Variants in SLC22A4 observed in about 807,000 individuals in gnomAD.
SLC22A4 encodes ET transporter.
In SLC22A4, 39 loss-of-function variants were observed where a neutral mutation model predicts 56.6. The observed-to-expected ratio is 0.69, with a 90% confidence interval of 0.53 to 0.90. The LOEUF is 0.90. Ranked by LOEUF, SLC22A4 falls within the 40% of genes least tolerant of loss-of-function variation. The pLI is 0.00. For synonymous variants in SLC22A4, 241 were observed against 281.4 expected, an observed-to-expected ratio of 0.86 and a Z score of 1.44; for missense variants, 594 against 696.5, an observed-to-expected ratio of 0.85 and a Z score of 1.66.
At chr5:132,317,418 T>C (rs968456152) in intron 3 of SLC22A4, among the ~76,000 whole-genome samples, 2 of 152,334 alleles carry the variant, frequency 1.3e-5, no homozygotes, top group African/African-American at 4.8e-5. Context: ...TTCCGCACAT[T>C]TGATATAAAC....
chr5:132,339,708 G>C (rs1751147176), intron 8 of SLC22A4, among the ~76,000 whole-genome samples: 1 of 152,096 alleles, frequency 6.6e-6, no homozygotes, highest in South Asian at 2.1e-4. Context: ...CCAGTGGTCA[G>C]ACACTGGTAC....
chr5:132,309,426 T>C (rs1011377195), intron 1 of SLC22A4, among the ~76,000 whole-genome samples: 4 of 152,240 alleles, frequency 2.6e-5, no homozygotes, highest in African/African-American at 9.6e-5. Context: ...TGCGTGTGCA[T>C]GGCTCTTCCT....
chr5:132,312,445 T>C (rs1750209676), intron 2 of SLC22A4, among the ~76,000 whole-genome samples, 181 bp downstream of exon 2: 1 of 152,182 alleles, frequency 6.6e-6, no homozygotes, highest in African/African-American at 2.4e-5. Flanking sequence ...CCCCTTCACC[T>C]GGACACACTT....
chr5:132,340,610 C>A lies in SLC22A4; in HGVS notation c.1490C>A (p.Thr497Asn), dbSNP rs1751185801. The A allele has an allele frequency of 6.2e-7, 1 of 1,613,904 alleles. No homozygotes were observed. Among genetic ancestry groups the A allele is most frequent in the Non-Finnish European group, 8.5e-7 (1 of 1,179,800 alleles). ...CCCTACATCGTCATGGGTAGTCTGA[C>A]TGTCCTGATTGGAATCCTCACCCTT... ...MLPYIVMGSL[T>N]VLIGILTLFF... is the part of the protein sequence containing the mutation. Residue 497 changes from threonine (T) to asparagine (N), a missense_variant, in exon 9 of 10, where the codon ACT becomes AAT. By Grantham distance (65) the Thr-to-Asn change is moderately conservative. Coordinates refer to ENST00000200652, the MANE Select transcript of SLC22A4 (RefSeq NM_003059.3).
At chr5:132,308,542 CAGTG>C (rs1750100867) in intron 1 of SLC22A4, among the ~76,000 whole-genome samples, 1 of 151,992 alleles carries the variant, frequency 6.6e-6, no homozygotes, top group Non-Finnish European at 1.5e-5. Context: ...ACACGGCACT[CAGTG>C]AGCACTCCAC....
chr5:132,344,084 G>C lies in SLC22A4; in HGVS notation c.*249G>C. ...ATGAAATGGATTGGTAAGATGTCTTGAAAACATGTTAGTCAAGGACTGGTA... is the reference window on the plus strand; with the variant it reads ...ATGAAATGGATTGGTAAGATGTCTTCAAAACATGTTAGTCAAGGACTGGTA... On this transcript the variant is annotated 3_prime_UTR_variant, in exon 10 of 10. Coordinates refer to ENST00000200652, the MANE Select transcript of SLC22A4 (RefSeq NM_003059.3). 6.5e-6 allele frequency: 3 copies of C among 459,368 alleles called. No homozygotes were observed. The highest frequency in any genetic ancestry group is 3.5e-5 in the East Asian group (1 of 28,264). The allele number at this position is 459,368 out of a possible 1,614,324, so 28.5% of individuals were successfully genotyped here. A position where few individuals can be genotyped will look rare whatever the true frequency, so the allele number is the denominator to read the frequency against.
intron 7 of SLC22A4, among the ~76,000 whole-genome samples, chr5:132,335,174 C>T (rs1199811235): frequency 6.6e-6 from 1 of 152,180 alleles, no homozygotes; most frequent in African/African-American, 2.4e-5. Flanking sequence ...TCCCAGTCAT[C>T]CCCTTCACAG....
At chr5:132,331,469 T>A (rs895415328) in intron 5 of SLC22A4, among the ~76,000 whole-genome samples, 2 of 152,216 alleles carry the variant, frequency 1.3e-5, no homozygotes, top group African/African-American at 2.4e-5. Flanking sequence ...ATTCTCTGAC[T>A]GTCAGTCAGA....
intron 1 of SLC22A4, among the ~76,000 whole-genome samples, chr5:132,307,292 A>G (rs901346275): frequency 2.0e-5 from 3 of 152,216 alleles, no homozygotes; most frequent in African/African-American, 7.2e-5. Context: ...ACTTTTCTCT[A>G]GAATAAAGGA....
At chr5:132,340,762 T>C (rs1233530268) in intron 9 of SLC22A4, 62 bp downstream of exon 9, 20 of 1,469,760 alleles carry the variant, frequency 1.4e-5, no homozygotes, top group Non-Finnish European at 1.8e-5. Flanking sequence ...CATGGAAGAA[T>C]AGCTAGGAAG....
intron 3 of SLC22A4, among the ~76,000 whole-genome samples, chr5:132,315,665 T>A (rs1750329625): frequency 1.3e-5 from 2 of 152,114 alleles, no homozygotes; most frequent in African/African-American, 4.8e-5. Context: ...CCATGGAAGA[T>A]CAGTCAAGCC....
intron 8 of SLC22A4, among the ~76,000 whole-genome samples, chr5:132,337,442 T>G: frequency 6.9e-6 from 1 of 144,516 alleles, no homozygotes; most frequent in East Asian, 2.0e-4. Context: ...GCCCAGCTAA[T>G]TTTTTTTTTT....
At chr5:132,312,855 C>A (rs1033455085) in intron 2 of SLC22A4, among the ~76,000 whole-genome samples, 5 of 152,118 alleles carry the variant, frequency 3.3e-5, no homozygotes, top group African/African-American at 1.2e-4. Context: ...GGTGGGGGTA[C>A]TAAATGGCAA....
rs1217732111 is a variant in SLC22A4, at chr5:132,294,968, G to A, written c.352G>A (p.Glu118Lys). The A allele has an allele frequency of 6.2e-7, 1 of 1,607,194 alleles. No individual in the cohort carries two copies. Among genetic ancestry groups the A allele is most frequent in the Non-Finnish European group, 8.5e-7 (1 of 1,177,450 alleles). The stretch of plus-strand genomic sequence containing the variant: ...GCAGGAGAGCTGCCTGGATGGCTGG[G>A]AGTTCAGCCAGGACGTCTACCTGTC... Reference protein sequence around the residue: ...LEQESCLDGWEFSQDVYLSTV... With the variant: ...LEQESCLDGWKFSQDVYLSTV... The change falls in exon 1 of 10, where the codon GAG becomes AAG. Residue 118 changes from glutamate to lysine, a missense_variant. Physicochemically the swap from Glu to Lys is moderately conservative, Grantham distance 56 (BLOSUM62 1). Transcript: ENST00000200652. The surrounding 1 kb of genome is among the most constrained non-coding windows in gnomAD (Gnocchi z 5.6).
chr5:132,331,890 A>T (rs368680485), intron 6 of SLC22A4, 40 bp downstream of exon 6: 10 of 1,241,988 alleles, frequency 8.1e-6, no homozygotes, highest in African/African-American at 1.5e-5. Flanking sequence ...TATCCAGCAC[A>T]TAAGTATGCA....
chr5:132,318,712 T>C (rs1015539322), intron 3 of SLC22A4, among the ~76,000 whole-genome samples: 4 of 152,126 alleles, frequency 2.6e-5, no homozygotes, highest in African/African-American at 7.2e-5. Context: ...CCTAGGGCTA[T>C]GCTGGCCCTC....
chr5:132,302,775 G>C (rs2126701780), intron 1 of SLC22A4, among the ~76,000 whole-genome samples: 1 of 152,316 alleles, frequency 6.6e-6, no homozygotes. Flanking sequence ...AGGTCCCTGA[G>C]TGACCCTTCT....
chr5:132,340,412 A>G (rs183496010), intron 8 of SLC22A4, among the ~76,000 whole-genome samples, 153 bp from the exon 9 acceptor site: 2 of 152,348 alleles, frequency 1.3e-5, no homozygotes, highest in Admixed American at 1.3e-4. Context: ...TCTGCCAAAA[A>G]GAAACTGATA....
intron 9 of SLC22A4, among the ~76,000 whole-genome samples, chr5:132,343,057 C>A (rs1375022778): frequency 6.6e-6 from 1 of 152,178 alleles, no homozygotes; most frequent in Non-Finnish European, 1.5e-5. Flanking sequence ...CTCATTAGAA[C>A]AAAAGAAGCT....
Sources: gnomAD v4.1 joint callset for allele counts (sites outside exome capture counted in the v4.1 genomes callset) on GRCh38, gnomAD v4.1.1 for gene constraint, Gnocchi (gnomAD v3.1) non-coding constraint, MANE v1.5 for transcripts, NCBI Gene and HGNC (gene_info 2026-07-23, HGNC 2026-07-21) for gene names.